The following MYLK3 variants were observed in gnomAD, a reference collection of about 807,000 sequenced individuals.
MYLK3 encodes myosin light chain kinase 3, also known as MLC kinase.
MYLK3 carries 55 observed loss-of-function variants against 76.3 expected under a neutral mutation model. The observed-to-expected ratio is 0.72, with a 90% CI of 0.58 to 0.90. The LOEUF (loss-of-function observed/expected upper bound fraction) is 0.90, where lower values mean the gene tolerates loss of function less well. Ranked by LOEUF, MYLK3 falls within the 40% of genes least tolerant of loss-of-function variation. The pLI is 0.00. For synonymous variants in MYLK3, 416 were observed against 425.4 expected, an observed-to-expected ratio of 0.98 and a Z score of 0.27; for missense variants, 973 against 1,053.6, an observed-to-expected ratio of 0.92 and a Z score of 1.06.
intron 8 of MYLK3, among the ~76,000 whole-genome samples, chr16:46,721,802 T>C (rs1315297119): frequency 6.6e-6 from 1 of 152,200 alleles, no homozygotes; most frequent in African/African-American, 2.4e-5. Context: ...TGTATGGGGC[T>C]GGGTTCCCAA....
At chr16:46,725,898 C>G (rs998675065) in intron 8 of MYLK3, 3 of 152,152 alleles carry the variant, frequency 2.0e-5, no homozygotes, top group Non-Finnish European at 2.9e-5. Flanking sequence ...TCATGAAATC[C>G]TTGCCTAAGC....
chr16:46,723,667 T>TTTTTTTTG (rs1966821454), intron 8 of MYLK3, among the ~76,000 whole-genome samples: 1 of 150,946 alleles, frequency 6.6e-6, no homozygotes. Flanking sequence ...TTTTTTTTTT[T>TTTTTTTTG]GAGATGGGGT....
rs866977568 is a variant in MYLK3, at chr16:46,702,943, T to A, written c.*4761A>T. On this transcript the variant is annotated 3_prime_UTR_variant, in exon 13 of 13. Transcript: ENST00000394809. The stretch of plus-strand genomic sequence containing the variant: ...TTGGAAAGAAAAAAAAAAAAAGGAA[T>A]ACATGCTCATTGTAAAAAAAAAAAA... Among the ~76,000 whole-genome samples, 14 of 105,252 alleles carry A rather than the reference T, an allele frequency of 1.3e-4. No homozygotes were observed. The highest frequency in any genetic ancestry group is 2.8e-4 in the East Asian group (1 of 3,570). The allele number at this position is 105,252 out of a possible 152,430, so 69.0% of individuals were successfully genotyped here. A position where few individuals can be genotyped will look rare whatever the true frequency, so the allele number is the denominator to read the frequency against.
In MYLK3 at chr16:46,747,985, G is replaced by T. The variant is rs916614885; in HGVS notation, c.209C>A (p.Ser70Tyr). The stretch of plus-strand genomic sequence containing the variant: ...AGCCCCGCCCGGGCCCGGTGCCCGG[G>T]AGGCCTCCAGCCTGTGCAGGCCCCG... ...LERGLHRLEA[S>Y]RAPGPGGADG... Residue 70 changes from serine (S) to tyrosine (Y), a missense_variant, in exon 1 of 13, where the codon TCC becomes TAC. Transcript: ENST00000394809. 3.1e-6 allele frequency: 5 copies of T among 1,613,350 alleles called. No individual in the cohort carries two copies. The highest frequency in any genetic ancestry group is 4.2e-6 in the Non-Finnish European group (5 of 1,179,922).
chr16:46,726,722 A>AAAGAAAGT (rs1361895860), intron 8 of MYLK3: 1 of 148,412 alleles, frequency 6.7e-6, no homozygotes, highest in African/African-American at 2.5e-5. Context: ...AGAAAGAAAG[A>AAAGAAAGT]AAGAAAGAAA....
chr16:46,721,885 A>T (rs527746109), intron 8 of MYLK3, among the ~76,000 whole-genome samples: 4 of 152,288 alleles, frequency 2.6e-5, no homozygotes, highest in Admixed American at 6.5e-5. Context: ...TAAGAGAATT[A>T]AAAAAAGAAG....
Position 46,710,627 on chromosome 16 carries a change from T to A in MYLK3, c.2267+10A>T, listed in dbSNP as rs1270809501. The A allele has an allele frequency of 6.2e-7, 1 of 1,613,982 alleles. No individual in the cohort carries two copies. On this transcript the variant is annotated intron_variant, in intron 11 of 12. Transcript: ENST00000394809. ...AGAAGGGCCCATGAGTGACAAGCAA[T>A]GAAAGGTACCTCTTCTCTTTGACCA...
chr16:46,730,559 C>G (rs1966850580), intron 5 of MYLK3, 34 bp downstream of exon 5: 1 of 1,585,356 alleles, frequency 6.3e-7, no homozygotes, highest in African/African-American at 1.3e-5. Context: ...GACTCCTGCT[C>G]TAAGCCCCCC....
Position 46,747,728 on chromosome 16 carries a change from T to A in MYLK3, c.466A>T (p.Ser156Cys). 6.2e-7 allele frequency: 1 copy of A among 1,613,524 alleles called. No homozygotes were observed. Among genetic ancestry groups the A allele is most frequent in the South Asian group, 1.1e-5 (1 of 91,002 alleles). The change falls in exon 1 of 13, where the codon AGC (serine) becomes TGC (cysteine). Residue 156 changes from serine (S) to cysteine (C), a missense_variant. Ser to Cys is a moderately radical substitution (Grantham distance 112, BLOSUM62 -1). This residue lies in a region of MYLK3 where 641 missense variants were observed against 637.0 expected (regional missense o/e 1.01). Transcript: ENST00000394809. ...VPWRRGSPGDSPEENKERVEE... is the reference protein window; with the variant it reads ...VPWRRGSPGDCPEENKERVEE... ...AAGCAGGAACCAACCTCCTCAGGGC[T>A]GTCACCTGGGCTGCCTCTCCTCCAG... is the stretch of plus-strand genomic sequence containing the variant.
chr16:46,708,150 C>T (rs1432154202), intron 12 of MYLK3, among the ~76,000 whole-genome samples: 1 of 151,914 alleles, frequency 6.6e-6, no homozygotes, highest in Non-Finnish European at 1.5e-5. Flanking sequence ...GGACTACAGG[C>T]AACCACCACC....
At chr16:46,761,419 G>A (rs1967274684) in intron 1 of MYLK3, among the ~76,000 whole-genome samples, 2 of 152,214 alleles carry the variant, frequency 1.3e-5, no homozygotes, top group Admixed American at 6.5e-5. Context: ...ATTACCTGGG[G>A]TGGGGGGATT....
At chr16:46,740,740 C>A (rs1966918748) in intron 1 of MYLK3, among the ~76,000 whole-genome samples, 1 of 151,684 alleles carries the variant, frequency 6.6e-6, no homozygotes, top group Non-Finnish European at 1.5e-5. Flanking sequence ...TTAGTAGAGA[C>A]AGGGTTTCAC....
intron 12 of MYLK3, 117 bp from the exon 13 acceptor site, chr16:46,707,880 G>A (rs890941712): frequency 1.0e-5 from 6 of 598,120 alleles, no homozygotes; most frequent in Non-Finnish European, 1.7e-5. Context: ...GTTTAAATCT[G>A]ATACCTAAAG....
upstream of MYLK3, among the ~76,000 whole-genome samples, chr16:46,750,530 C>G (rs762922435): frequency 6.6e-6 from 1 of 152,150 alleles, no homozygotes; most frequent in Non-Finnish European, 1.5e-5. Context: ...ACCGTCTCTA[C>G]TGAAAATACA....
In MYLK3 at chr16:46,740,111, T is replaced by C. The variant is rs750685624; in HGVS notation, c.514A>G (p.Lys172Glu). 3.1e-6 allele frequency: 5 copies of C among 1,613,850 alleles called. No individual in the cohort carries two copies. The highest frequency in any genetic ancestry group is 4.2e-6 in the Non-Finnish European group (5 of 1,179,872). ...ACCCCACTGGTGCTCAGCACATGCT[T>C]TGGTTTTCCTCCCTCTTCTTCCACT... ...ERVEEEGGKP[K>E]HVLSTSGVQS... Residue 172 changes from lysine to glutamate, a missense_variant, in exon 2 of 13, where the codon AAG becomes GAG. Coordinates refer to ENST00000394809, the MANE Select transcript of MYLK3 (RefSeq NM_182493.3).
rs1651658 is a variant in MYLK3, at chr16:46,706,688, G to T, written c.*1016C>A. 0.98 allele frequency: 148,809 copies of T among 152,368 alleles called. 72,751 individuals are homozygous for T. The highest frequency in any genetic ancestry group is 1 in the East Asian group (5,190 of 5,190). The allele number at this position is 152,368 out of a possible 1,614,324, so 9.4% of individuals were successfully genotyped here. The stretch of plus-strand genomic sequence containing the variant: ...GTTTACTATTCATTAAGTGAAAGTG[G>T]ATCATCATAAAGGTGTTCATCTTCA... On this transcript the variant is annotated 3_prime_UTR_variant, in exon 13 of 13. Transcript: ENST00000394809.
At chr16:46,733,830 G>C (rs1966857827) in intron 3 of MYLK3, among the ~76,000 whole-genome samples, 3 of 152,182 alleles carry the variant, frequency 2.0e-5, no homozygotes. Flanking sequence ...TCTGGGCTTA[G>C]CTCTGCCAGC....
Position 46,732,285 on chromosome 16 carries a change from C to T in MYLK3, c.1385G>A (p.Cys462Tyr). 1 of 1,608,634 alleles carries T rather than the reference C, an allele frequency of 6.2e-7. No homozygotes were observed. The change falls in exon 4 of 13, where the codon TGT becomes TAT. Residue 462 changes from cysteine to tyrosine, a missense_variant. Physicochemically the swap from Cys to Tyr is radical, Grantham distance 194 (BLOSUM62 -2). Transcript: ENST00000394809. ...GAGNPEPEQD[C>Y]AARAPVRAEA... ...AGCTCTCACCGGAGCCCTGGCTGCA[C>T]AGTCCTGCTCAGGCTCAGGGTTTCC...
chr16:46,721,772 T>A (rs757640629), intron 8 of MYLK3, among the ~76,000 whole-genome samples: 2 of 152,204 alleles, frequency 1.3e-5, no homozygotes, highest in Non-Finnish European at 2.9e-5. Flanking sequence ...CTGTGATATA[T>A]AATTGGCCCA....
Sources: gnomAD v4.1 joint callset for allele counts (sites outside exome capture counted in the v4.1 genomes callset) on GRCh38, gnomAD v4.1.1 for gene constraint, gnomAD v4.1.1 regional missense constraint, MANE v1.5 for transcripts, NCBI Gene and HGNC (gene_info 2026-07-23, HGNC 2026-07-21) for gene names.